Variants in FRMD4A observed in about 807,000 individuals in gnomAD.
FRMD4A encodes FERM domain containing 4A.
Under a neutral mutation model 129.1 loss-of-function variants are expected in FRMD4A, and 29 were observed. That is an observed-to-expected ratio of 0.22 (90% CI 0.17 to 0.31). The LOEUF (loss-of-function observed/expected upper bound fraction) is 0.31. Ranked by LOEUF, FRMD4A falls within the 10% of genes least tolerant of loss-of-function variation. The pLI, the probability that FRMD4A is intolerant of heterozygous loss-of-function variation, is 1.00. For missense variants in FRMD4A, 1,272 were observed against 1,375.8 expected (o/e 0.92, Z 1.19); for synonymous variants, 634 against 571.6 (o/e 1.11, Z -1.56).
At chr10:14,243,580 A>G (rs1048097672) in intron 2 of FRMD4A, among the ~76,000 whole-genome samples, 1 of 152,198 alleles carries the variant, frequency 6.6e-6, no homozygotes, top group Non-Finnish European at 1.5e-5. Flanking sequence ...GTCCATGTAT[A>G]TGAGGTGCCT....
At chr10:13,686,302 C>T (rs999999392) in intron 15 of FRMD4A, among the ~76,000 whole-genome samples, 8 of 152,234 alleles carry the variant, frequency 5.3e-5, no homozygotes, top group Admixed American at 4.6e-4. Context: ...AACCGAAAAA[C>T]GTCGTGTGAT....
chr10:14,127,829 C>T (rs1480386466), intron 2 of FRMD4A, among the ~76,000 whole-genome samples: 1 of 152,212 alleles, frequency 6.6e-6, no homozygotes, highest in Non-Finnish European at 1.5e-5. Context: ...AGTTCAAATT[C>T]CATCACTCTG....
chr10:13,947,998 A>C (rs2095344613), intron 2 of FRMD4A, among the ~76,000 whole-genome samples: 1 of 151,996 alleles, frequency 6.6e-6, no homozygotes, highest in African/African-American at 2.4e-5. Flanking sequence ...GGGATTCAAG[A>C]CCAGCCTGGG....
chr10:14,230,145 C>A (rs1269654936), intron 2 of FRMD4A, among the ~76,000 whole-genome samples: 3 of 152,202 alleles, frequency 2.0e-5, no homozygotes, highest in Admixed American at 6.5e-5. Flanking sequence ...ACGGTGCACA[C>A]CTCTCCTTTA....
intron 15 of FRMD4A, chr10:13,685,384 T>C: frequency 1.0e-6 from 1 of 984,806 alleles, no homozygotes; most frequent in Non-Finnish European, 1.2e-6. Flanking sequence ...AAAAAATAAC[T>C]GAACATTCAT....
chr10:14,314,562 C>G (rs1280690531), intron 2 of FRMD4A, among the ~76,000 whole-genome samples: 5 of 152,098 alleles, frequency 3.3e-5, no homozygotes, highest in Non-Finnish European at 7.4e-5. Context: ...TTTACCACTC[C>G]TCCTCTTTCT....
intron 2 of FRMD4A, among the ~76,000 whole-genome samples, chr10:14,138,182 G>C (rs1369679081): frequency 6.6e-6 from 1 of 152,164 alleles, no homozygotes; most frequent in African/African-American, 2.4e-5. Context: ...CACAAACACT[G>C]ATTAATCACT....
At chr10:13,750,886 G>C (rs939757637) in intron 8 of FRMD4A, among the ~76,000 whole-genome samples, 1 of 152,172 alleles carries the variant, frequency 6.6e-6, no homozygotes. Flanking sequence ...TAAAGGCATA[G>C]TTTCAGCAAG....
At chr10:14,044,798 C>G (rs945947578) in intron 2 of FRMD4A, among the ~76,000 whole-genome samples, 1 of 152,238 alleles carries the variant, frequency 6.6e-6, no homozygotes, top group Non-Finnish European at 1.5e-5. Flanking sequence ...ACCACCATAA[C>G]CTTCATAGAA....
intron 3 of FRMD4A, among the ~76,000 whole-genome samples, chr10:13,846,442 T>C (rs1031238760): frequency 2.0e-5 from 3 of 152,208 alleles, no homozygotes; most frequent in Admixed American, 6.5e-5. Flanking sequence ...GTCAGTGGGC[T>C]TGGGGGTGAA....
chr10:14,187,853 G>A (rs1483789149), intron 2 of FRMD4A, among the ~76,000 whole-genome samples: 1 of 152,216 alleles, frequency 6.6e-6, no homozygotes, highest in Non-Finnish European at 1.5e-5. Context: ...AAATAAAGAT[G>A]TAAAACAGAG....
chr10:13,647,311 C>G (rs1043692865), intron 24 of FRMD4A: 1 of 152,202 alleles, frequency 6.6e-6, no homozygotes, highest in East Asian at 1.9e-4. Flanking sequence ...TTCAGCGTGG[C>G]TGCATCCGGG....
intron 2 of FRMD4A, among the ~76,000 whole-genome samples, chr10:14,213,999 C>T (rs1475703631): frequency 6.6e-6 from 1 of 152,234 alleles, no homozygotes; most frequent in African/African-American, 2.4e-5. Flanking sequence ...CTCACGAGAT[C>T]TGATGGTTTT....
chr10:13,957,764 A>C (rs907184965), intron 2 of FRMD4A, among the ~76,000 whole-genome samples: 6 of 152,028 alleles, frequency 3.9e-5, no homozygotes, highest in African/African-American at 1.4e-4. Flanking sequence ...TCAGTTTTCC[A>C]TTCCATTTAT....
At chr10:14,191,182 T>A (rs958827892) in intron 2 of FRMD4A, among the ~76,000 whole-genome samples, 1 of 152,238 alleles carries the variant, frequency 6.6e-6, no homozygotes, top group Non-Finnish European at 1.5e-5. Context: ...CAGCAAGTTT[T>A]TGCTTTTCTT....
intron 2 of FRMD4A, among the ~76,000 whole-genome samples, chr10:14,257,533 G>C (rs1427440177): frequency 6.6e-6 from 1 of 152,306 alleles, no homozygotes; most frequent in South Asian, 2.1e-4. Context: ...AAATGCATGT[G>C]TACCTGGTGC....
intron 2 of FRMD4A, among the ~76,000 whole-genome samples, chr10:14,160,462 A>G (rs1053623549): frequency 6.6e-6 from 1 of 152,214 alleles, no homozygotes; most frequent in Non-Finnish European, 1.5e-5. Flanking sequence ...CTAAAAAGCT[A>G]CTGCCCAGAA....
At chr10:13,820,419 AGCC>A (rs1473225892) in intron 3 of FRMD4A, among the ~76,000 whole-genome samples, 6 of 152,230 alleles carry the variant, frequency 3.9e-5, no homozygotes, top group Admixed American at 3.9e-4. Flanking sequence ...CCTTGGTCTC[AGCC>A]GACCTTGGGT....
At chr10:14,078,450 A>G (rs2614142) in intron 2 of FRMD4A, among the ~76,000 whole-genome samples, 151,809 of 152,348 alleles carry the variant, frequency 1, 75,639 homozygotes, top group Non-Finnish European at 1. Context: ...ATCTACATAA[A>G]TCCAGGTTAA....
Sources: allele counts gnomAD v4.1 joint callset (sites outside exome capture counted in the v4.1 genomes callset), GRCh38; gene constraint gnomAD v4.1.1; transcripts MANE v1.5; gene names NCBI Gene and HGNC (gene_info 2026-07-23, HGNC 2026-07-21).